Variants in ANKRD27 observed in about 807,000 individuals in gnomAD.
The protein encoded by ANKRD27 is ankyrin repeat domain 27, also known as ankyrin repeat domain-containing protein 27.
Under a neutral mutation model 129.7 loss-of-function variants are expected in ANKRD27, and 112 were observed. That is an observed-to-expected ratio of 0.86 (90% CI 0.74 to 1.01). The LOEUF (loss-of-function observed/expected upper bound fraction) is 1.01. Among genes scored for constraint, ANKRD27 ranks in the 50% least tolerant of loss-of-function variants. The pLI, the probability that ANKRD27 is intolerant of heterozygous loss-of-function variation, is 0.00. For missense variants in ANKRD27, 1,258 were observed against 1,300.5 expected, an observed-to-expected ratio of 0.97 and a Z score of 0.50; for synonymous variants, 516 against 511.2, an observed-to-expected ratio of 1.01 and a Z score of -0.13.
chr19:32,650,274 A>G (rs174083), intron 2 of ANKRD27, among the ~76,000 whole-genome samples: 100,026 of 152,096 alleles, frequency 0.66, 32,997 homozygotes, highest in Non-Finnish European at 0.69. Context: ...AAACATGGCC[A>G]GGCGTGGTGG....
rs1478772364 is a variant in ANKRD27 at position 32,646,595 on chromosome 19, G to A, written c.234C>T (p.Asn78=). The A allele has an allele frequency of 6.2e-7, 1 of 1,613,172 alleles. No individual in the cohort carries two copies. Among genetic ancestry groups the A allele is most frequent in the Non-Finnish European group, 8.5e-7 (1 of 1,179,756 alleles). The part of the protein sequence containing the change: ...LNGKDVFIQG[N]RIKLGAGFAC... ...CAAAACCAGCTCCTAATTTAATCCTGTTCCCTTGAATAAAGACATCCTGGA... is the reference window on the plus strand; with the variant it reads ...CAAAACCAGCTCCTAATTTAATCCTATTCCCTTGAATAAAGACATCCTGGA... Residue 78 remains asparagine, a synonymous_variant, in exon 4 of 29, where the codon AAC becomes AAT. Transcript: ENST00000306065.
chr19:32,657,198 T>G lies in ANKRD27; in HGVS notation c.102+1716A>C, dbSNP rs539553819. On this transcript the variant is annotated intron_variant, in intron 2 of 28. Transcript: ENST00000306065. Reference sequence around the variant, plus strand: ...CAAAAATTAGGCCAGGTGTGGTGGCTCACACCTGTAATTCCAGCACGCTGG... The same window carrying G: ...CAAAAATTAGGCCAGGTGTGGTGGCGCACACCTGTAATTCCAGCACGCTGG... Among the ~76,000 whole-genome samples the G allele has an allele frequency of 7.7e-3, 1,172 of 152,140 alleles. 16 individuals are homozygous for G. Among genetic ancestry groups the G allele is most frequent in the Non-Finnish European group, 7.5e-3 (510 of 67,994 alleles).
chr19:32,654,773 T>TTTTG (rs558681299), intron 2 of ANKRD27, among the ~76,000 whole-genome samples: 18 of 151,994 alleles, frequency 1.2e-4, no homozygotes, highest in Non-Finnish European at 2.4e-4. Flanking sequence ...TTTTTGTTTG[T>TTTTG]TTTGTTTGTT....
chr19:32,660,433 G>A (rs1273886022), intron 1 of ANKRD27, among the ~76,000 whole-genome samples: 1 of 152,166 alleles, frequency 6.6e-6, no homozygotes, highest in African/African-American at 2.4e-5. Flanking sequence ...GTCCCAGCTT[G>A]GGACTGCCCA....
rs569314942 is a variant in ANKRD27, at chr19:32,627,826, C to A, written c.1420+257G>T. ...CTTCCCTTGCTGGGCCCCCAGCCTG[C>A]GGGAGCGTTAGGCAGTGTTTCCATG... On this transcript the variant is annotated intron_variant, in intron 15 of 28. Transcript: ENST00000306065. 8.5e-5 allele frequency among the ~76,000 whole-genome samples: 13 copies of A among 152,372 alleles called. No individual in the cohort carries two copies. The East Asian group carries it at 2.3e-3, about 27-fold the overall frequency.
chr19:32,674,330 C>T (rs1967935362), intron 1 of ANKRD27, among the ~76,000 whole-genome samples: 1 of 152,158 alleles, frequency 6.6e-6, no homozygotes, highest in Admixed American at 6.5e-5. Flanking sequence ...CTGCCAGCAG[C>T]CCTCGTTCCC....
At position 32,672,540 on chromosome 19, in the gene ANKRD27, G is replaced by A. The variant is rs369798856; in HGVS notation, c.-31+2531C>T. 5.3e-5 allele frequency among the ~76,000 whole-genome samples: 8 copies of A among 152,322 alleles called. No homozygotes were observed. In the South Asian group the frequency reaches 1.2e-3, roughly 24 times the overall value. ...TGGAACTCCACTGTCCATATCCAGG[G>A]TAGGTGAGGGGCTAACCCCAGGTCA... On this transcript the variant is annotated intron_variant, in intron 1 of 28. Transcript: ENST00000306065.
At chr19:32,613,747 T>C (rs419500) in intron 22 of ANKRD27, among the ~76,000 whole-genome samples, 84,814 of 146,112 alleles carry the variant, frequency 0.58, 25,874 homozygotes, top group Non-Finnish European at 0.69. Context: ...CTTGCTCTGT[T>C]GCCCAGGCTG....
chr19:32,646,791 G>A (rs1235382626), intron 3 of ANKRD27, among the ~76,000 whole-genome samples, 176 bp from the exon 4 acceptor site: 1 of 152,068 alleles, frequency 6.6e-6, no homozygotes, highest in African/African-American at 2.4e-5. Flanking sequence ...TTTCCTCTTT[G>A]TTGGCCTAGT....
intron 13 of ANKRD27, among the ~76,000 whole-genome samples, chr19:32,630,338 G>A (rs886441502): frequency 2.6e-5 from 4 of 152,330 alleles, no homozygotes; most frequent in Non-Finnish European, 1.5e-5. Context: ...ACTGCCCTGC[G>A]GGCACCTCAG....
intron 22 of ANKRD27, among the ~76,000 whole-genome samples, chr19:32,614,170 T>C (rs1353535827): frequency 6.6e-6 from 1 of 152,108 alleles, no homozygotes; most frequent in African/African-American, 2.4e-5. Context: ...GACAGACACA[T>C]GCTGCGTCTT....
chr19:32,642,379 A>G (rs1015364592), intron 9 of ANKRD27, among the ~76,000 whole-genome samples: 1 of 152,018 alleles, frequency 6.6e-6, no homozygotes, highest in African/African-American at 2.4e-5. Context: ...AAAAAAAAAA[A>G]TCCTATTCCT....
At chr19:32,648,123 G>A (rs575333341) in intron 3 of ANKRD27, among the ~76,000 whole-genome samples, 6 of 152,066 alleles carry the variant, frequency 3.9e-5, no homozygotes, top group South Asian at 2.1e-4. Context: ...AAAATTATCC[G>A]GGCATGGTGG....
At chr19:32,663,380 C>A (rs62124334) in intron 1 of ANKRD27, among the ~76,000 whole-genome samples, 16,040 of 152,244 alleles carry the variant, frequency 0.11, 1,107 homozygotes, top group East Asian at 0.26. Context: ...GGGTTTGTTA[C>A]ACAGCAAAGG....
At chr19:32,639,531 T>A (rs1967155950) in intron 11 of ANKRD27, 43 bp from the exon 12 acceptor site, 1 of 1,592,078 alleles carries the variant, frequency 6.3e-7, no homozygotes. Context: ...TCTATCCAAG[T>A]CACACTTCTG....
Position 32,598,280 on chromosome 19 carries a change from A to G in ANKRD27, c.3018T>C (p.Pro1006=), listed in dbSNP as rs538870613. The change falls in exon 29 of 29, where the codon CCT becomes CCC. Residue 1006 remains proline (P), a synonymous_variant. Transcript: ENST00000306065. Reference sequence around the variant, plus strand: ...GTCCAGGGCCAGTCTGTGTCAGTCCAGGCCTCTCTGGCCAGTCGCTGTTGC... The same window carrying G: ...GTCCAGGGCCAGTCTGTGTCAGTCCGGGCCTCTCTGGCCAGTCGCTGTTGC... ...EKGNSDWPER[P]GLTQTGPGHR... 6.2e-7 allele frequency: 1 copy of G among 1,614,194 alleles called. No homozygotes were observed. The highest frequency in any genetic ancestry group is 1.1e-5 in the South Asian group (1 of 91,088).
In ANKRD27 at chr19:32,602,079, A is replaced by T; in HGVS notation, c.2703T>A (p.Ala901=). The stretch of plus-strand genomic sequence containing the variant: ...CAGTTTCAGCCACATCATCTAATGA[A>T]GCAACACAGCTTGGTACCACCTGAA... ...ELLQVVPSCV[A]SLDDVAETDR... Residue 901 remains alanine (A), a synonymous_variant, in exon 26 of 29, where the codon GCT becomes GCA. Coordinates refer to ENST00000306065, the MANE Select transcript of ANKRD27 (RefSeq NM_032139.3). The T allele has an allele frequency of 1.1e-5, 17 of 1,614,130 alleles. No homozygotes were observed. Among genetic ancestry groups the T allele is most frequent in the Non-Finnish European group, 1.4e-5 (17 of 1,179,992 alleles).
At chr19:32,665,732 T>A (rs1967741194) in intron 1 of ANKRD27, among the ~76,000 whole-genome samples, 1 of 151,878 alleles carries the variant, frequency 6.6e-6, no homozygotes, top group South Asian at 2.1e-4. Flanking sequence ...GTGCTGGGAT[T>A]ACAGGCATGA....
At chr19:32,650,867 G>A (rs1967403776) in intron 2 of ANKRD27, among the ~76,000 whole-genome samples, 1 of 150,334 alleles carries the variant, frequency 6.7e-6, no homozygotes. Context: ...TCCTGCCTCA[G>A]CCTCGTAAGT....
Sources: allele counts gnomAD v4.1 joint callset (sites outside exome capture counted in the v4.1 genomes callset), GRCh38; gene constraint gnomAD v4.1.1; transcripts MANE v1.5; gene names NCBI Gene and HGNC (gene_info 2026-07-23, HGNC 2026-07-21).